TTC7A: variants seen among roughly 807,000 people sequenced by gnomAD.
TTC7A encodes the protein tetratricopeptide repeat domain 7A.
A neutral mutation model predicts 103.7 loss-of-function variants in TTC7A; 110 were observed. The observed-to-expected ratio is 1.06, with a 90% CI of 0.91 to 1.24. The LOEUF (loss-of-function observed/expected upper bound fraction) is 1.24. Ranked by LOEUF, TTC7A falls within the 50% of genes most tolerant of loss-of-function variation. The probability of loss-of-function intolerance (pLI) is 0.00; values close to 1 mark genes in which losing one functional copy is unlikely to be tolerated. For missense variants in TTC7A, 1,340 were observed against 1,116.3 expected, an observed-to-expected ratio of 1.20 and a Z score of -2.86; for synonymous variants, 521 against 467.9, an observed-to-expected ratio of 1.11 and a Z score of -1.47.
At chr2:46,987,809 C>CGCGCGCGCGTGTGT (rs1466713336) in intron 5 of TTC7A, among the ~76,000 whole-genome samples, 2 of 144,550 alleles carry the variant, frequency 1.4e-5, no homozygotes, top group African/African-American at 5.2e-5. Flanking sequence ...CCTTTCCGCG[C>CGCGCGCGCGTGTGT]GTGTGTGTGT....
At chr2:46,930,121 A>G (rs1381302164) in intron 2 of TTC7A, among the ~76,000 whole-genome samples, 1 of 152,242 alleles carries the variant, frequency 6.6e-6, no homozygotes, top group African/African-American at 2.4e-5. Flanking sequence ...ATTTAAGTAC[A>G]GAAGAAACTT....
rs528482194 is a variant in TTC7A, at chr2:47,067,648, C to T, written c.2356-6054C>T. Among the ~76,000 whole-genome samples, 10 of 152,336 alleles carry T rather than the reference C, an allele frequency of 6.6e-5. No individual in the cohort carries two copies. In the South Asian group the frequency reaches 1.7e-3, roughly 25 times the overall value. On this transcript the variant is annotated intron_variant, in intron 19 of 19. Coordinates refer to ENST00000319190, the MANE Select transcript of TTC7A (RefSeq NM_020458.4). ...GTTCATCTGACCTGGACCTGAGTCC[C>T]ACTTTGCCTTCACTCACTGACCAGG...
chr2:47,008,754 A>T (rs1376557446), intron 10 of TTC7A, among the ~76,000 whole-genome samples: 4 of 152,186 alleles, frequency 2.6e-5, no homozygotes, highest in Non-Finnish European at 5.9e-5. Flanking sequence ...TGTATCTGTG[A>T]TTATGCCCGA....
At chr2:47,023,374 C>T (rs765068716) in intron 12 of TTC7A, 34 bp from the exon 13 acceptor site, 3 of 1,612,594 alleles carry the variant, frequency 1.9e-6, no homozygotes, top group Non-Finnish European at 2.5e-6. Context: ...TTCAGTGACC[C>T]CTGATGGCTC....
chr2:46,922,016 A>C (rs1324778591), intron 2 of TTC7A, among the ~76,000 whole-genome samples: 1 of 152,166 alleles, frequency 6.6e-6, no homozygotes, highest in Non-Finnish European at 1.5e-5. Flanking sequence ...AACTAAAGAC[A>C]TACTGGGAAC....
chr2:46,965,016 C>T (rs566473058), intron 3 of TTC7A, among the ~76,000 whole-genome samples: 3 of 152,294 alleles, frequency 2.0e-5, no homozygotes, highest in Non-Finnish European at 2.9e-5. Context: ...ATGCCCTGAC[C>T]GTGGTGCACA....
intron 14 of TTC7A, among the ~76,000 whole-genome samples, chr2:47,025,763 C>G (rs1326237986): frequency 2.0e-5 from 3 of 152,154 alleles, no homozygotes; most frequent in Non-Finnish European, 2.9e-5. Flanking sequence ...TGCCCCTCCC[C>G]CTGTGACTCC....
At chr2:46,998,704 C>T (rs1297672430) in intron 8 of TTC7A, among the ~76,000 whole-genome samples, 1 of 152,214 alleles carries the variant, frequency 6.6e-6, no homozygotes, top group Admixed American at 6.5e-5. Flanking sequence ...ATTGCTTCCA[C>T]CTCCAGGACA....
intron 18 of TTC7A, among the ~76,000 whole-genome samples, chr2:47,058,259 A>T (rs2104766393): frequency 6.6e-6 from 1 of 152,288 alleles, no homozygotes; most frequent in Non-Finnish European, 1.5e-5. Flanking sequence ...CTCTGTGTTT[A>T]ATTCTCTGAT....
intron 8 of TTC7A, among the ~76,000 whole-genome samples, chr2:46,996,933 T>C (rs1177256704): frequency 6.6e-6 from 1 of 152,142 alleles, no homozygotes; most frequent in Admixed American, 6.5e-5. Flanking sequence ...CCTGGAATCA[T>C]CTGTCTGGAA....
At chr2:46,933,366 G>C (rs1669811275) in intron 2 of TTC7A, among the ~76,000 whole-genome samples, 1 of 152,210 alleles carries the variant, frequency 6.6e-6, no homozygotes, top group African/African-American at 2.4e-5. Context: ...AACATTCTGA[G>C]ATTCTAAAAT....
intron 5 of TTC7A, among the ~76,000 whole-genome samples, chr2:46,988,624 G>A (rs1022603970): frequency 4.6e-5 from 7 of 152,202 alleles, no homozygotes; most frequent in African/African-American, 1.7e-4. Flanking sequence ...CACTTACTGT[G>A]TGCAGAATAC....
chr2:46,956,346 G>A (rs1160150959), intron 2 of TTC7A, among the ~76,000 whole-genome samples: 2 of 151,928 alleles, frequency 1.3e-5, no homozygotes, highest in Non-Finnish European at 2.9e-5. Context: ...TAAGCTTTAG[G>A]GTCCTCACAG....
chr2:47,032,179 G>T (rs1393210833), intron 15 of TTC7A, among the ~76,000 whole-genome samples: 1 of 152,236 alleles, frequency 6.6e-6, no homozygotes, highest in Non-Finnish European at 1.5e-5. Flanking sequence ...GGAGGCCCAA[G>T]GGTGGACATC....
chr2:46,938,180 GA>G (rs1343380431), upstream of TTC7A, among the ~76,000 whole-genome samples: 1 of 151,890 alleles, frequency 6.6e-6, no homozygotes, highest in Non-Finnish European at 1.5e-5. Context: ...TAAAGAAAAA[GA>G]AAAAAGCAAA....
intron 10 of TTC7A, among the ~76,000 whole-genome samples, chr2:47,008,546 T>C (rs1029399041): frequency 5.3e-5 from 8 of 152,136 alleles, no homozygotes; most frequent in African/African-American, 1.7e-4. Context: ...GGAGTTAAGA[T>C]TGGCCAGTTG....
At chr2:47,028,197 A>G (rs981692417) in intron 14 of TTC7A, among the ~76,000 whole-genome samples, 1 of 152,194 alleles carries the variant, frequency 6.6e-6, no homozygotes, top group Admixed American at 6.5e-5. Context: ...AAGTCCAGCT[A>G]TGGGCAGAGA....
At chr2:47,010,250 C>T (rs1379672552) in intron 10 of TTC7A, among the ~76,000 whole-genome samples, 1 of 152,150 alleles carries the variant, frequency 6.6e-6, no homozygotes, top group Non-Finnish European at 1.5e-5. Flanking sequence ...TTTTTTGCAA[C>T]TATTCCACTC....
In TTC7A at chr2:46,941,411, C is replaced by T. The variant is rs1670359237; in HGVS notation, c.-131C>T. 4 of 877,104 alleles carry T rather than the reference C, an allele frequency of 4.6e-6. No individual in the cohort carries two copies. The highest frequency in any genetic ancestry group is 4.4e-4 in the Middle Eastern group (1 of 2,298). The allele number at this position is 877,104 out of a possible 1,614,324, so 54.3% of individuals were successfully genotyped here. A position where few individuals can be genotyped will look rare whatever the true frequency, so the allele number is the denominator to read the frequency against. On this transcript the variant is annotated 5_prime_UTR_variant, in exon 1 of 20. Coordinates refer to ENST00000319190, the MANE Select transcript of TTC7A (RefSeq NM_020458.4). This position sits in a 1 kb window ranked among gnomAD's most constrained non-coding sequence, Gnocchi z 4.2. ...CCACCCTCCGCCGCCCGGGCCCCCG[C>T]TGCCGCCCGGGCCCCGGCTGCCGTC...
Sources: allele counts gnomAD v4.1 joint callset (sites outside exome capture counted in the v4.1 genomes callset), GRCh38; gene constraint gnomAD v4.1.1; non-coding constraint Gnocchi (gnomAD v3.1); transcripts MANE v1.5; gene names NCBI Gene and HGNC (gene_info 2026-07-23, HGNC 2026-07-21).